Variants in LGSN observed in about 807,000 individuals in gnomAD.
LGSN encodes lengsin.
A neutral mutation model predicts 19.5 loss-of-function variants in LGSN; 21 were observed. The observed-to-expected ratio is 1.07, with a 90% CI of 0.76 to 1.55. The LOEUF is 1.55. Ranked by LOEUF, LGSN falls within the 40% of genes most tolerant of loss-of-function variation. LGSN has a pLI of 0.00. For missense variants in LGSN, 673 were observed against 608.5 expected, an observed-to-expected ratio of 1.11 and a Z score of -1.12; for synonymous variants, 257 against 215.6, an observed-to-expected ratio of 1.19 and a Z score of -1.68.
At chr6:63,451,557 T>C in the LGSN span, among the ~76,000 whole-genome samples, 6 of 151,914 alleles carry the variant, frequency 3.9e-5, no homozygotes, top group Non-Finnish European at 7.4e-5. Context: ...TGAGAACACA[T>C]GGAAACACAG....
the LGSN span, among the ~76,000 whole-genome samples, chr6:63,423,010 G>A: frequency 6.6e-6 from 1 of 152,148 alleles, no homozygotes; most frequent in Non-Finnish European, 1.5e-5. Context: ...AAAATAGCAT[G>A]CTAGCATTAA....
chr6:63,563,203 T>C, the LGSN span, among the ~76,000 whole-genome samples: 11 of 152,336 alleles, frequency 7.2e-5, no homozygotes, highest in South Asian at 2.1e-4. Context: ...AACAATTCTC[T>C]TAAAACAAAT....
the LGSN span, among the ~76,000 whole-genome samples, chr6:63,544,667 G>A: frequency 4.2e-4 from 64 of 152,082 alleles, no homozygotes; most frequent in Non-Finnish European, 8.5e-4. Context: ...TTTCTGATTA[G>A]TACAAGCCAA....
At chr6:63,563,534 G>C in the LGSN span, among the ~76,000 whole-genome samples, 233 of 152,328 alleles carry the variant, frequency 1.5e-3, no homozygotes, top group African/African-American at 5.4e-3. Flanking sequence ...CAGCCATTCT[G>C]TTGACCTCCT....
the LGSN span, among the ~76,000 whole-genome samples, chr6:63,497,110 T>C: frequency 6.6e-6 from 1 of 152,130 alleles, no homozygotes; most frequent in African/African-American, 2.4e-5. Context: ...TAGCTAGGAC[T>C]ACAGGCACAC....
the LGSN span, among the ~76,000 whole-genome samples, chr6:63,331,641 A>G: frequency 3.4e-5 from 5 of 145,938 alleles, no homozygotes; most frequent in African/African-American, 1.3e-4. Context: ...AGCAGAAACA[A>G]CCCCTGCCCA....
chr6:63,458,408 A>G, the LGSN span, among the ~76,000 whole-genome samples: 1 of 152,202 alleles, frequency 6.6e-6, no homozygotes, highest in African/African-American at 2.4e-5. Flanking sequence ...TTAGCGTTGG[A>G]AACAAATGCT....
the LGSN span, among the ~76,000 whole-genome samples, chr6:63,542,141 A>C: frequency 6.6e-6 from 1 of 152,128 alleles, no homozygotes. Context: ...ATGACATTGG[A>C]GAATACTAGT....
the LGSN span, among the ~76,000 whole-genome samples, chr6:63,509,734 T>A: frequency 6.6e-6 from 1 of 152,212 alleles, no homozygotes; most frequent in African/African-American, 2.4e-5. Flanking sequence ...ATTTTAGAGC[T>A]AGGGGAAATC....
At chr6:63,399,394 A>ATTTTT in the LGSN span, among the ~76,000 whole-genome samples, 1 of 140,768 alleles carries the variant, frequency 7.1e-6, no homozygotes, top group African/African-American at 2.6e-5. Flanking sequence ...AACAGTACTA[A>ATTTTT]TTTTTTTTTT....
chr6:63,556,928 G>A, the LGSN span, among the ~76,000 whole-genome samples: 2 of 152,042 alleles, frequency 1.3e-5, no homozygotes, highest in Admixed American at 6.6e-5. Context: ...TAATCTCATT[G>A]TCTGCTGCCA....
the LGSN span, among the ~76,000 whole-genome samples, chr6:63,408,133 CTCA>C: frequency 1.3e-5 from 2 of 152,142 alleles, no homozygotes; most frequent in Non-Finnish European, 2.9e-5. Context: ...CAATGCCATC[CTCA>C]TCAAGCTACC....
At chr6:63,497,126 C>T in the LGSN span, among the ~76,000 whole-genome samples, 1 of 151,984 alleles carries the variant, frequency 6.6e-6, no homozygotes, top group African/African-American at 2.4e-5. Flanking sequence ...CACACATCTC[C>T]ACACCTGGCT....
At chr6:63,506,231 C>CTTG in the LGSN span, among the ~76,000 whole-genome samples, 4 of 109,658 alleles carry the variant, frequency 3.6e-5, no homozygotes, top group Admixed American at 9.5e-5. Context: ...ATAAGTTCTT[C>CTTG]TTGTTGTTGT....
chr6:63,313,472 C>T (rs1768711894), intron 1 of LGSN, among the ~76,000 whole-genome samples: 1 of 152,032 alleles, frequency 6.6e-6, no homozygotes, highest in East Asian at 1.9e-4. Flanking sequence ...AATATGTCTA[C>T]CAGGGGAGTA....
the LGSN span, among the ~76,000 whole-genome samples, chr6:63,335,565 C>T: frequency 2.6e-5 from 4 of 152,158 alleles, no homozygotes; most frequent in African/African-American, 9.7e-5. Context: ...TGCTCAACAT[C>T]TCTAATCATC....
At chr6:63,471,116 A>G in the LGSN span, among the ~76,000 whole-genome samples, 7 of 147,080 alleles carry the variant, frequency 4.8e-5, no homozygotes, top group African/African-American at 1.1e-4. Context: ...ATACTCGGCT[A>G]ATTTTTTTTT....
At chr6:63,547,024 G>A in the LGSN span, among the ~76,000 whole-genome samples, 2 of 152,018 alleles carry the variant, frequency 1.3e-5, no homozygotes, top group Non-Finnish European at 2.9e-5. Context: ...TTGGATTATA[G>A]TAGTGATAGA....
chr6:63,431,768 C>A, the LGSN span, among the ~76,000 whole-genome samples: 1 of 151,998 alleles, frequency 6.6e-6, no homozygotes, highest in Non-Finnish European at 1.5e-5. Context: ...TTTTGAATTT[C>A]ATTAAGAAAC....
Sources: allele counts gnomAD v4.1 joint callset (sites outside exome capture counted in the v4.1 genomes callset), GRCh38; gene constraint gnomAD v4.1.1; transcripts MANE v1.5; gene names NCBI Gene and HGNC (gene_info 2026-07-23, HGNC 2026-07-21).